The following SATB2 variants were observed in gnomAD, a reference collection of about 807,000 sequenced individuals.
The protein encoded by SATB2 is DNA-binding protein SATB2.
A neutral mutation model predicts 73.4 loss-of-function variants in SATB2; 1 was observed. The observed-to-expected ratio is 0.01, with a 90% CI of 0.00 to 0.06. SATB2 has a LOEUF of 0.06. SATB2 is among the 10% of genes least tolerant of loss of function. SATB2 has a pLI of 1.00. For missense variants in SATB2, 459 were observed against 945.8 expected (o/e 0.49, Z 6.75); for synonymous variants, 397 against 367.0 (o/e 1.08, Z -0.93).
chr2:199,311,687 C>T (rs529338560), intron 9 of SATB2, among the ~76,000 whole-genome samples: 86 of 152,262 alleles, frequency 5.6e-4, no homozygotes, highest in Admixed American at 1.6e-3. Context: ...CTCATGGCAG[C>T]CATGATTTAC....
At chr2:199,431,038 G>C (rs1233472253) in intron 3 of SATB2, among the ~76,000 whole-genome samples, 1 of 152,150 alleles carries the variant, frequency 6.6e-6, no homozygotes, top group South Asian at 2.1e-4. Context: ...AAATGGATTT[G>C]CCAGGAAGTC....
chr2:199,396,760 G>A (rs553551416), intron 3 of SATB2: 2 of 152,184 alleles, frequency 1.3e-5, no homozygotes, highest in African/African-American at 2.4e-5. Flanking sequence ...GAAAAGATCC[G>A]GGTTCACACT....
chr2:199,460,421 A>G (rs1559069758), upstream of SATB2: 1 of 152,386 alleles, frequency 6.6e-6, no homozygotes, highest in Admixed American at 6.5e-5. This position sits in a 1 kb window ranked among gnomAD's most constrained non-coding sequence, Gnocchi z 4.0. Context: ...TAATATCTCA[A>G]CAACGATAAC....
intron 10 of SATB2, among the ~76,000 whole-genome samples, chr2:199,284,986 C>T (rs1367069377): frequency 6.6e-6 from 1 of 152,048 alleles, no homozygotes; most frequent in African/African-American, 2.4e-5. Flanking sequence ...ACATAAGGGG[C>T]TTGAGCATCC....
intron 3 of SATB2, among the ~76,000 whole-genome samples, chr2:199,414,983 C>T (rs569678134): frequency 6.6e-6 from 1 of 152,102 alleles, no homozygotes; most frequent in Admixed American, 6.5e-5. Flanking sequence ...ACATGCAGCA[C>T]TGAAGAAGCA....
chr2:199,314,766 CA>C (rs1687684901), intron 9 of SATB2, among the ~76,000 whole-genome samples: 1 of 151,988 alleles, frequency 6.6e-6, no homozygotes, highest in Admixed American at 6.5e-5. Context: ...AGGTAGGGCT[CA>C]GATTATAAAG....
At chr2:199,277,753 GAC>G (rs1025549893) in intron 10 of SATB2, among the ~76,000 whole-genome samples, 6 of 152,110 alleles carry the variant, frequency 3.9e-5, no homozygotes, top group African/African-American at 1.4e-4. Context: ...TTACTCATGA[GAC>G]ACACATTGAC....
intron 3 of SATB2, among the ~76,000 whole-genome samples, chr2:199,424,087 A>C (rs979285710): frequency 4.6e-5 from 7 of 152,208 alleles, no homozygotes; most frequent in Non-Finnish European, 7.3e-5. Context: ...CAAACCAAAA[A>C]GAGGCAGACA....
chr2:199,364,940 G>T (rs1689239313), intron 6 of SATB2, among the ~76,000 whole-genome samples: 1 of 151,994 alleles, frequency 6.6e-6, no homozygotes, highest in Admixed American at 6.6e-5. Context: ...CTACATATAT[G>T]ATTGCCACTT....
chr2:199,426,708 AAAAG>A (rs1163725049), intron 3 of SATB2, among the ~76,000 whole-genome samples: 12 of 34,384 alleles, frequency 3.5e-4, no homozygotes, highest in African/African-American at 5.6e-4. Flanking sequence ...AAAAAAAAAA[AAAAG>A]AAAAGAAAAG....
chr2:199,363,084 A>G (rs1280505775), intron 6 of SATB2, among the ~76,000 whole-genome samples: 1 of 152,196 alleles, frequency 6.6e-6, no homozygotes, highest in Non-Finnish European at 1.5e-5. Flanking sequence ...AGCTGGAATG[A>G]GCTTCTTAAG....
chr2:199,289,528 C>T (rs555501452), intron 10 of SATB2, among the ~76,000 whole-genome samples: 90 of 152,298 alleles, frequency 5.9e-4, no homozygotes, highest in Admixed American at 3.1e-3. Context: ...CTCCACACAA[C>T]GTTGCCTTGG....
chr2:199,288,822 C>T (rs938178406), intron 10 of SATB2, among the ~76,000 whole-genome samples: 2 of 152,082 alleles, frequency 1.3e-5, no homozygotes, highest in Admixed American at 6.6e-5. Flanking sequence ...TTATTATACC[C>T]AGAAGTCCAA....
intron 6 of SATB2, among the ~76,000 whole-genome samples, chr2:199,366,746 G>A (rs1452575367): frequency 6.7e-6 from 1 of 149,452 alleles, no homozygotes; most frequent in Admixed American, 6.7e-5. Flanking sequence ...TTGACCAACT[G>A]AATGAAATCA....
intron 3 of SATB2, among the ~76,000 whole-genome samples, chr2:199,420,390 T>C (rs1691129407): frequency 6.6e-6 from 1 of 152,182 alleles, no homozygotes; most frequent in East Asian, 1.9e-4. Context: ...AGTGAGACTA[T>C]GTCTTAAGGC....
chr2:199,291,709 T>G (rs1692867428), intron 10 of SATB2, among the ~76,000 whole-genome samples: 1 of 151,984 alleles, frequency 6.6e-6, no homozygotes, highest in South Asian at 2.1e-4. Context: ...GGTCAGGAGT[T>G]TGAGACCAGC....
chr2:199,283,353 G>A (rs1170145149), intron 10 of SATB2, among the ~76,000 whole-genome samples: 1 of 150,170 alleles, frequency 6.7e-6, no homozygotes. Context: ...GCCTCCCAAA[G>A]TGCTGGGATT....
intron 10 of SATB2, among the ~76,000 whole-genome samples, chr2:199,278,242 C>G (rs7570181): frequency 1 from 152,049 of 152,328 alleles, 75,886 homozygotes; most frequent in Middle Eastern, 1. Flanking sequence ...AAAAGGCTGC[C>G]AGGCAAGAAT....
intron 3 of SATB2, among the ~76,000 whole-genome samples, chr2:199,386,805 C>T (rs1252887015): frequency 6.6e-6 from 1 of 150,606 alleles, no homozygotes; most frequent in Non-Finnish European, 1.5e-5. Context: ...ATGCTAAATG[C>T]ATGGCAATTT....
Sources: gnomAD v4.1 joint callset for allele counts (sites outside exome capture counted in the v4.1 genomes callset) on GRCh38, gnomAD v4.1.1 for gene constraint, Gnocchi (gnomAD v3.1) non-coding constraint, MANE v1.5 for transcripts, NCBI Gene and HGNC (gene_info 2026-07-23, HGNC 2026-07-21) for gene names.